The following GNAQ variants were observed in gnomAD, a reference collection of about 807,000 sequenced individuals.
GNAQ encodes guanine nucleotide-binding protein G(q) subunit alpha.
In GNAQ, 8 loss-of-function variants were observed where a neutral mutation model predicts 43.9. The ratio of observed to expected loss-of-function variants is 0.18; its 90% CI spans 0.11 to 0.33. The LOEUF is 0.33. Among genes scored for constraint, GNAQ ranks in the 10% least tolerant of loss-of-function variants. The probability of loss-of-function intolerance (pLI) is 1.00; values close to 1 mark genes in which losing one functional copy is unlikely to be tolerated. For missense variants in GNAQ, 158 were observed against 450.8 expected, an observed-to-expected ratio of 0.35 and a Z score of 5.88; for synonymous variants, 155 against 170.7, an observed-to-expected ratio of 0.91 and a Z score of 0.71.
intron 6 of GNAQ, among the ~76,000 whole-genome samples, chr9:77,723,038 T>C (rs540612555): frequency 1.1e-4 from 17 of 152,284 alleles, no homozygotes; most frequent in Middle Eastern, 3.4e-3. Context: ...GTCCAGAATA[T>C]ATAAAGAGCT....
chr9:78,020,117 A>C (rs1017101982), intron 1 of GNAQ, among the ~76,000 whole-genome samples: 1 of 152,108 alleles, frequency 6.6e-6, no homozygotes, highest in Non-Finnish European at 1.5e-5. Context: ...CTTTGCATGA[A>C]TCTACCTGGC....
intron 2 of GNAQ, among the ~76,000 whole-genome samples, chr9:77,851,224 A>C (rs1038384216): frequency 1.3e-5 from 2 of 152,168 alleles, no homozygotes; most frequent in Admixed American, 6.5e-5. Context: ...GGAAAGAAAA[A>C]GACTGAGACA....
intron 1 of GNAQ, among the ~76,000 whole-genome samples, chr9:78,026,851 C>T (rs548487214): frequency 6.6e-6 from 1 of 152,290 alleles, no homozygotes; most frequent in South Asian, 2.1e-4. Context: ...GTTCTAACTG[C>T]AATTCCTGAA....
At chr9:77,762,453 C>T (rs1357912185) in intron 5 of GNAQ, among the ~76,000 whole-genome samples, 30 of 137,178 alleles carry the variant, frequency 2.2e-4, no homozygotes, top group African/African-American at 6.0e-4. Context: ...CCTGGCCAGC[C>T]GCCCCATCCG....
rs1386025375 is a variant in GNAQ, at chr9:77,815,084, C to A, written c.476+532G>T. ...AAATTAGACTCACATGAAATTTTCA[C>A]GCAAAGGAAAACCTATCCATCAACA... On this transcript the variant is annotated intron_variant, in intron 3 of 6. Coordinates refer to ENST00000286548, the MANE Select transcript of GNAQ (RefSeq NM_002072.5). 7.9e-5 allele frequency among the ~76,000 whole-genome samples: 12 copies of A among 152,222 alleles called. No homozygotes were observed. The South Asian group carries it at 1.2e-3, about 16-fold the overall frequency.
At chr9:77,763,107 T>TAA (rs1209929419) in intron 5 of GNAQ, among the ~76,000 whole-genome samples, 2 of 86,816 alleles carry the variant, frequency 2.3e-5, no homozygotes, top group African/African-American at 8.5e-5. Flanking sequence ...AAAATAAAAT[T>TAA]AAAAAAAAAC....
chr9:77,947,881 C>T (rs1034994067), intron 1 of GNAQ, among the ~76,000 whole-genome samples: 3 of 152,080 alleles, frequency 2.0e-5, no homozygotes, highest in Non-Finnish European at 4.4e-5. Context: ...TGTTCACAGC[C>T]CAGCTACTTA....
At chr9:77,957,603 G>A (rs182575509) in intron 1 of GNAQ, among the ~76,000 whole-genome samples, 12 of 152,266 alleles carry the variant, frequency 7.9e-5, no homozygotes, top group Non-Finnish European at 1.5e-4. Context: ...CAGATTCACA[G>A]AGGCAATGGG....
At chr9:78,021,258 T>C (rs1444722605) in intron 1 of GNAQ, among the ~76,000 whole-genome samples, 1 of 151,968 alleles carries the variant, frequency 6.6e-6, no homozygotes, top group Non-Finnish European at 1.5e-5. Flanking sequence ...ACTCTTGGGC[T>C]CAAGCAATCT....
chr9:77,775,534 C>T lies in GNAQ; in HGVS notation c.735+18929G>A, dbSNP rs185188227. Among the ~76,000 whole-genome samples, 26 of 151,962 alleles carry T rather than the reference C, an allele frequency of 1.7e-4. No individual in the cohort carries two copies. In the South Asian group the frequency reaches 5.0e-3, roughly 29 times the overall value. ...ACGCCATTCTCCTGCCTCAGCCTCC[C>T]GAGTAGCTGGGACTATAGGCGCCCG... On this transcript the variant is annotated intron_variant, in intron 5 of 6. Coordinates refer to ENST00000286548, the MANE Select transcript of GNAQ (RefSeq NM_002072.5).
At chr9:77,899,985 T>G (rs1193535850) in intron 2 of GNAQ, among the ~76,000 whole-genome samples, 1 of 152,178 alleles carries the variant, frequency 6.6e-6, no homozygotes, top group African/African-American at 2.4e-5. Context: ...TGTTACCTGC[T>G]GCCAACCTGT....
intron 2 of GNAQ, among the ~76,000 whole-genome samples, chr9:77,895,420 G>A (rs1161971556): frequency 1.3e-5 from 2 of 152,098 alleles, no homozygotes; most frequent in South Asian, 2.1e-4. Flanking sequence ...TCTTGGTGAG[G>A]GGAATCTGAC....
At chr9:78,014,435 C>T (rs549963353) in intron 1 of GNAQ, among the ~76,000 whole-genome samples, 4 of 152,074 alleles carry the variant, frequency 2.6e-5, no homozygotes, top group Admixed American at 1.3e-4. Context: ...ATGGTGAAAC[C>T]CCCCTACTAA....
intron 2 of GNAQ, among the ~76,000 whole-genome samples, chr9:77,816,900 T>C (rs180680556): frequency 3.3e-5 from 5 of 152,290 alleles, no homozygotes; most frequent in Non-Finnish European, 7.3e-5. Context: ...CCCATGCCAA[T>C]AGACTAATCT....
intron 5 of GNAQ, among the ~76,000 whole-genome samples, chr9:77,789,854 C>T (rs945110141): frequency 1.3e-5 from 2 of 152,090 alleles, no homozygotes; most frequent in Non-Finnish European, 1.5e-5. Context: ...AGCACTAACT[C>T]CAGGTCTCTG....
chr9:77,968,099 C>T (rs1455534904), intron 1 of GNAQ, among the ~76,000 whole-genome samples: 4 of 152,162 alleles, frequency 2.6e-5, no homozygotes, highest in African/African-American at 9.7e-5. Context: ...ATACTATCCA[C>T]TGAATTGTAT....
chr9:77,802,244 C>T (rs868517967), intron 3 of GNAQ, among the ~76,000 whole-genome samples: 3 of 151,996 alleles, frequency 2.0e-5, no homozygotes, highest in Non-Finnish European at 2.9e-5. Context: ...AGCTGCTGCC[C>T]GCATAACCCC....
intron 5 of GNAQ, among the ~76,000 whole-genome samples, chr9:77,746,506 T>C (rs541032938): frequency 7.9e-5 from 12 of 152,112 alleles, no homozygotes; most frequent in Non-Finnish European, 1.3e-4. Context: ...AAAGATTTCA[T>C]AGATCTGTCA....
intron 1 of GNAQ, among the ~76,000 whole-genome samples, chr9:78,013,983 G>C (rs1171618135): frequency 1.3e-5 from 2 of 152,094 alleles, no homozygotes; most frequent in African/African-American, 4.8e-5. Context: ...GCAGGGGAGG[G>C]ACATATAATA....
Sources: allele counts gnomAD v4.1 joint callset (sites outside exome capture counted in the v4.1 genomes callset), GRCh38; gene constraint gnomAD v4.1.1; transcripts MANE v1.5; gene names NCBI Gene and HGNC (gene_info 2026-07-23, HGNC 2026-07-21).